The following LPP variants were observed in gnomAD, a reference collection of about 807,000 sequenced individuals.
LPP encodes LIM domain containing preferred translocation partner in lipoma.
In LPP, 38 loss-of-function variants were observed where a neutral mutation model predicts 60.4. The observed-to-expected ratio is 0.63, with a 90% CI of 0.49 to 0.83. The LOEUF is 0.83. Among genes scored for constraint, LPP ranks in the 40% least tolerant of loss-of-function variants. The pLI is 0.00. For synonymous variants in LPP, 328 were observed against 290.8 expected, an observed-to-expected ratio of 1.13 and a Z score of -1.30; for missense variants, 902 against 783.6, an observed-to-expected ratio of 1.15 and a Z score of -1.80.
At chr3:188,168,537 C>A (rs1720687301) in intron 1 of LPP, among the ~76,000 whole-genome samples, 1 of 152,100 alleles carries the variant, frequency 6.6e-6, no homozygotes, top group African/African-American at 2.4e-5. Flanking sequence ...TAAATTCATT[C>A]TTAAATGAAT....
At chr3:188,592,546 G>GTTTTTTTTTTTTTTTTTTTTT (rs1553936323) in intron 6 of LPP, among the ~76,000 whole-genome samples, 6 of 98,446 alleles carry the variant, frequency 6.1e-5, no homozygotes, top group Non-Finnish European at 1.4e-4. Flanking sequence ...ACTGTTTTTA[G>GTTTTTTTTTTTTTTTTTTTTT]TTTTGTTTTT....
chr3:188,757,889 G>GTTTTTTGTTTTTTTTTTTTTT (rs1553833771), intron 8 of LPP, among the ~76,000 whole-genome samples: 2 of 78,718 alleles, frequency 2.5e-5, no homozygotes, highest in Admixed American at 1.6e-4. Context: ...TGTTTTTTTG[G>GTTTTTTGTTTTTTTTTTTTTT]TTTTTTTTTT....
chr3:188,322,426 A>G (rs1470069558), intron 2 of LPP, among the ~76,000 whole-genome samples: 2 of 152,168 alleles, frequency 1.3e-5, no homozygotes, highest in Admixed American at 6.5e-5. Flanking sequence ...GGGAAATTCA[A>G]GAGTCTCCAT....
At chr3:188,190,970 G>T (rs1201121407) in intron 1 of LPP, among the ~76,000 whole-genome samples, 1 of 152,242 alleles carries the variant, frequency 6.6e-6, no homozygotes, top group African/African-American at 2.4e-5. Context: ...GGTGGCTCAC[G>T]CCTGTAATCC....
chr3:188,693,148 T>A (rs559360622), intron 7 of LPP, among the ~76,000 whole-genome samples: 1 of 152,282 alleles, frequency 6.6e-6, no homozygotes, highest in East Asian at 1.9e-4. Context: ...TCACCTTGAA[T>A]CCTGTTCTTT....
chr3:188,349,894 A>G (rs1317682492), intron 3 of LPP, among the ~76,000 whole-genome samples: 3 of 152,206 alleles, frequency 2.0e-5, no homozygotes, highest in Non-Finnish European at 2.9e-5. Flanking sequence ...TGAGCTCACA[A>G]GCATGCTGTT....
At chr3:188,510,745 C>T (rs958008725) in intron 5 of LPP, among the ~76,000 whole-genome samples, 4 of 152,240 alleles carry the variant, frequency 2.6e-5, no homozygotes, top group Non-Finnish European at 5.9e-5. Flanking sequence ...GCCAAGTACA[C>T]TTGCACATTG....
At chr3:188,506,807 A>AT (rs886873496) in intron 5 of LPP, among the ~76,000 whole-genome samples, 33 of 149,368 alleles carry the variant, frequency 2.2e-4, no homozygotes, top group South Asian at 2.1e-3. Flanking sequence ...ATTTCATTTT[A>AT]TTTTTTTTGA....
At chr3:188,253,371 G>A (rs1730598118) in intron 2 of LPP, among the ~76,000 whole-genome samples, 1 of 152,124 alleles carries the variant, frequency 6.6e-6, no homozygotes, top group African/African-American at 2.4e-5. Context: ...TACCTGTATA[G>A]TTTCATTTTT....
chr3:188,457,515 C>A (rs1352758356), intron 4 of LPP, among the ~76,000 whole-genome samples: 2 of 151,990 alleles, frequency 1.3e-5, no homozygotes, highest in Non-Finnish European at 2.9e-5. Context: ...TATCATTGGT[C>A]TAAGCGCTTG....
intron 2 of LPP, among the ~76,000 whole-genome samples, chr3:188,330,572 G>C (rs891434376): frequency 5.3e-5 from 8 of 152,020 alleles, no homozygotes; most frequent in Non-Finnish European, 1.2e-4. Context: ...TTCTGAATGA[G>C]CTCTTCCTCA....
rs1233132957 is a variant in LPP at position 188,878,799 on chromosome 3, GAA to G, written c.*4321_*4322del. The G allele has an allele frequency of 9.8e-6, 2 of 204,756 alleles. No homozygotes were observed. Among genetic ancestry groups the G allele is most frequent in the African/African-American group, 4.6e-5 (2 of 43,248 alleles). The allele number at this position is 204,756 out of a possible 1,614,324, so 12.7% of individuals were successfully genotyped here. On this transcript the variant is annotated 3_prime_UTR_variant, in exon 12 of 12. Coordinates refer to ENST00000617246, the MANE Select transcript of LPP (RefSeq NM_001375462.1). ...AAGAAAGAAAGAAAAGAAAGAGAGA[GAA>G]GTCAACTTTTCATCTTAATATATTC...
chr3:188,843,284 T>G (rs1414306464), intron 9 of LPP, among the ~76,000 whole-genome samples: 1 of 152,182 alleles, frequency 6.6e-6, no homozygotes, highest in African/African-American at 2.4e-5. Context: ...AGCAGTCATT[T>G]ATTCCTCCAC....
At chr3:188,391,798 T>C (rs1182866868) in intron 3 of LPP, among the ~76,000 whole-genome samples, 2 of 151,940 alleles carry the variant, frequency 1.3e-5, no homozygotes, top group Non-Finnish European at 2.9e-5. Flanking sequence ...CTACTTACTC[T>C]TTTTGTCACG....
At chr3:188,760,581 A>T (rs746751325) in intron 9 of LPP, among the ~76,000 whole-genome samples, 3 of 152,204 alleles carry the variant, frequency 2.0e-5, no homozygotes, top group Non-Finnish European at 2.9e-5. Context: ...TCTAGCATGT[A>T]TGTACAAGCT....
intron 2 of LPP, among the ~76,000 whole-genome samples, chr3:188,322,749 A>G (rs954269673): frequency 6.6e-5 from 10 of 152,168 alleles, no homozygotes; most frequent in Admixed American, 3.3e-4. Context: ...TTCTAGTTGT[A>G]TGACTCTATG....
chr3:188,859,004 G>T (rs918978101), intron 9 of LPP, among the ~76,000 whole-genome samples: 4 of 148,166 alleles, frequency 2.7e-5, no homozygotes, highest in Non-Finnish European at 5.9e-5. Flanking sequence ...CAGGAGAATC[G>T]CTTGAACCTC....
intron 6 of LPP, among the ~76,000 whole-genome samples, chr3:188,551,470 C>T (rs1162444918): frequency 1.3e-5 from 2 of 152,160 alleles, no homozygotes; most frequent in Non-Finnish European, 2.9e-5. Context: ...TATATACTAT[C>T]TATTATTTTC....
chr3:188,781,823 C>T (rs532673777), intron 9 of LPP, among the ~76,000 whole-genome samples: 14 of 149,638 alleles, frequency 9.4e-5, no homozygotes, highest in Non-Finnish European at 1.3e-4. Flanking sequence ...ACCCGGGAGG[C>T]GGACGTTGCA....
Sources: allele counts gnomAD v4.1 joint callset (sites outside exome capture counted in the v4.1 genomes callset), GRCh38; gene constraint gnomAD v4.1.1; transcripts MANE v1.5; gene names NCBI Gene and HGNC (gene_info 2026-07-23, HGNC 2026-07-21).